The following CES5A variants were observed in gnomAD, a reference collection of about 807,000 sequenced individuals.
CES5A encodes the protein carboxylesterase 5.
Under a neutral mutation model 62.9 loss-of-function variants are expected in CES5A, and 67 were observed. The ratio of observed to expected loss-of-function variants is 1.07; its 90% confidence interval spans 0.88 to 1.31. CES5A has a LOEUF of 1.31. Ranked by LOEUF, CES5A falls within the 50% of genes most tolerant of loss-of-function variation. The pLI is 0.00. For synonymous variants in CES5A, 296 were observed against 280.8 expected (o/e 1.05, Z -0.54); for missense variants, 748 against 708.5 (o/e 1.06, Z -0.63).
rs147500632 is a variant in CES5A, at chr16:55,874,306, A to G, written c.74-269T>C. Among the ~76,000 whole-genome samples, 549 of 152,130 alleles carry G rather than the reference A, an allele frequency of 3.6e-3. 3 individuals are homozygous for G. Among genetic ancestry groups the G allele is most frequent in the African/African-American group, 0.013 (521 of 41,494 alleles). On this transcript the variant is annotated intron_variant, in intron 1 of 12. Coordinates refer to ENST00000290567, the MANE Select transcript of CES5A (RefSeq NM_001143685.2). ...TTTTCCCCCATTCACTCAGAAACCC[A>G]TCTCCCTTCTGCTGAGAGCGCTTTC... is the stretch of plus-strand genomic sequence containing the variant.
chr16:55,903,923 G>C (rs1028418250), intron 1 of CES5A, among the ~76,000 whole-genome samples: 1 of 152,180 alleles, frequency 6.6e-6, no homozygotes, highest in East Asian at 1.9e-4. Flanking sequence ...CAACCAGATG[G>C]GGAAAACGTT....
chr16:55,893,470 A>G (rs1356659418), intron 1 of CES5A, among the ~76,000 whole-genome samples: 1 of 152,186 alleles, frequency 6.6e-6, no homozygotes, highest in Non-Finnish European at 1.5e-5. Flanking sequence ...TTAAAAATTT[A>G]GAGGGGAAAT....
intron 6 of CES5A, 49 bp from the exon 7 acceptor site, chr16:55,861,565 A>G (rs1247870158): frequency 7.3e-6 from 10 of 1,373,720 alleles, no homozygotes; most frequent in Non-Finnish European, 1.0e-5. Flanking sequence ...GAAAGCATCT[A>G]GGAAAATGAA....
chr16:55,896,818 T>C (rs2033939240), intron 1 of CES5A, among the ~76,000 whole-genome samples: 1 of 152,218 alleles, frequency 6.6e-6, no homozygotes, highest in Non-Finnish European at 1.5e-5. Context: ...TCATTTTAAA[T>C]ATCACAAAAC....
chr16:55,938,820 A>T (rs1321906082), intron 2 of CES5A, among the ~76,000 whole-genome samples: 1 of 118,410 alleles, frequency 8.4e-6, no homozygotes, highest in African/African-American at 3.4e-5. Flanking sequence ...ATATATACAC[A>T]CACATATATA....
At chr16:55,931,568 C>T (rs2142469479) in intron 2 of CES5A, among the ~76,000 whole-genome samples, 2 of 152,306 alleles carry the variant, frequency 1.3e-5, no homozygotes, top group Middle Eastern at 3.4e-3. Flanking sequence ...CTGGACTGGC[C>T]TTAACCCTAT....
chr16:55,935,418 G>A (rs2034363143), intron 2 of CES5A, among the ~76,000 whole-genome samples: 3 of 152,322 alleles, frequency 2.0e-5, no homozygotes, highest in African/African-American at 7.2e-5. Flanking sequence ...GCTTTACTCA[G>A]GCTATTGATT....
upstream of CES5A, among the ~76,000 whole-genome samples, chr16:55,876,922 C>T (rs2033702360): frequency 6.6e-6 from 1 of 152,132 alleles, no homozygotes; most frequent in African/African-American, 2.4e-5. Flanking sequence ...CAGAGTGAAA[C>T]CACAACCTGG....
chr16:55,913,363 G>T (rs1433646772), intron 1 of CES5A, among the ~76,000 whole-genome samples: 3 of 152,132 alleles, frequency 2.0e-5, no homozygotes, highest in African/African-American at 7.2e-5. Context: ...CTGGTCTTAG[G>T]GTTTACAGTA....
chr16:55,911,596 C>T (rs1468953993), intron 1 of CES5A, among the ~76,000 whole-genome samples: 2 of 152,192 alleles, frequency 1.3e-5, no homozygotes, highest in African/African-American at 4.8e-5. Context: ...ATTTCAGTAT[C>T]CTACCTGAAG....
chr16:55,955,864 C>T, exon 1 of CES5A: 1 of 1,536,052 alleles, frequency 6.5e-7, no homozygotes, highest in Non-Finnish European at 8.7e-7. Flanking sequence ...TGGCATGAAG[C>T]AGGGCAAACC....
upstream of CES5A, among the ~76,000 whole-genome samples, chr16:55,927,400 A>T (rs2034268590): frequency 6.6e-6 from 1 of 152,226 alleles, no homozygotes; most frequent in South Asian, 2.1e-4. Context: ...TCTGCAAGGA[A>T]CTCAACAAAT....
chr16:55,892,265 C>T (rs1285627917), intron 1 of CES5A, among the ~76,000 whole-genome samples: 2 of 152,148 alleles, frequency 1.3e-5, no homozygotes, highest in African/African-American at 4.8e-5. Flanking sequence ...ACCCCCACAC[C>T]ACCATCCCTG....
intron 1 of CES5A, among the ~76,000 whole-genome samples, chr16:55,882,708 A>G (rs1344240900): frequency 6.6e-6 from 1 of 152,232 alleles, no homozygotes; most frequent in African/African-American, 2.4e-5. Flanking sequence ...CAAGAGTTGC[A>G]AGACAGTTAG....
chr16:55,943,836 C>A (rs146712659), intron 2 of CES5A, among the ~76,000 whole-genome samples: 1 of 152,272 alleles, frequency 6.6e-6, no homozygotes, highest in African/African-American at 2.4e-5. Flanking sequence ...TAGTCATTCT[C>A]CCTCTCTGAG....
At chr16:55,931,896 G>A (rs1468200162) in intron 2 of CES5A, among the ~76,000 whole-genome samples, 1 of 152,176 alleles carries the variant, frequency 6.6e-6, no homozygotes, top group African/African-American at 2.4e-5. Flanking sequence ...TATCAGACAT[G>A]GGCTGCCATG....
At chr16:55,907,900 G>A (rs925274139) in intron 1 of CES5A, among the ~76,000 whole-genome samples, 2 of 152,144 alleles carry the variant, frequency 1.3e-5, no homozygotes, top group African/African-American at 4.8e-5. Flanking sequence ...ATGCATGGCA[G>A]GTCTGCTCCA....
intron 6 of CES5A, 114 bp from the exon 7 acceptor site, chr16:55,861,630 TC>T: frequency 1.4e-6 from 1 of 738,916 alleles, no homozygotes; most frequent in South Asian, 1.5e-5. Context: ...TATGAGTCCA[TC>T]CTGCTAACAC....
chr16:55,898,785 C>T (rs1265633425), intron 1 of CES5A, among the ~76,000 whole-genome samples: 3 of 152,268 alleles, frequency 2.0e-5, no homozygotes, highest in Non-Finnish European at 4.4e-5. Flanking sequence ...ATCATCTGAC[C>T]AGGAAGACCA....
Sources: allele counts gnomAD v4.1 joint callset (sites outside exome capture counted in the v4.1 genomes callset), GRCh38; gene constraint gnomAD v4.1.1; transcripts MANE v1.5; gene names NCBI Gene and HGNC (gene_info 2026-07-23, HGNC 2026-07-21).